Variants in PTPRQ observed in about 807,000 individuals in gnomAD.
The protein encoded by PTPRQ is protein tyrosine phosphatase receptor type Q.
A neutral mutation model predicts 246.0 loss-of-function variants in PTPRQ; 199 were observed. The observed-to-expected ratio is 0.81, with a 90% confidence interval of 0.72 to 0.91. PTPRQ has a LOEUF of 0.91. Ranked by LOEUF, PTPRQ falls within the 40% of genes least tolerant of loss-of-function variation. PTPRQ has a pLI of 0.00. For missense variants in PTPRQ, 2,624 were observed against 2,528.4 expected (o/e 1.04, Z -0.81); for synonymous variants, 869 against 853.2 (o/e 1.02, Z -0.32).
At chr12:80,607,782 TATC>T (rs1898382963) in intron 27 of PTPRQ, among the ~76,000 whole-genome samples, 1 of 150,820 alleles carries the variant, frequency 6.6e-6, no homozygotes, top group South Asian at 2.1e-4. Context: ...AAAATGTAAA[TATC>T]ATCCTAGATG....
At chr12:80,611,621 T>G (rs1180142134) in intron 28 of PTPRQ, among the ~76,000 whole-genome samples, 1 of 150,364 alleles carries the variant, frequency 6.7e-6, no homozygotes, top group Non-Finnish European at 1.5e-5. Flanking sequence ...AAAGCATTGT[T>G]TGTCAAATCT....
intron 39 of PTPRQ, among the ~76,000 whole-genome samples, chr12:80,661,896 A>G (rs1017284261): frequency 6.6e-6 from 1 of 151,884 alleles, no homozygotes; most frequent in African/African-American, 2.4e-5. Flanking sequence ...GAGGTGTGCA[A>G]GAAAATAATG....
chr12:80,603,743 C>T (rs1015390357), intron 26 of PTPRQ, among the ~76,000 whole-genome samples: 5 of 151,486 alleles, frequency 3.3e-5, no homozygotes, highest in Admixed American at 1.3e-4. Flanking sequence ...GCCCCTAACC[C>T]TGCTCTATCC....
chr12:80,653,643 G>A (rs2121235258), intron 38 of PTPRQ, among the ~76,000 whole-genome samples: 1 of 152,218 alleles, frequency 6.6e-6, no homozygotes, highest in African/African-American at 2.4e-5. Flanking sequence ...TATATTGGGG[G>A]AATAGCTACA....
At chr12:80,467,441 C>G (rs1193725457) in intron 6 of PTPRQ, among the ~76,000 whole-genome samples, 1 of 152,100 alleles carries the variant, frequency 6.6e-6, no homozygotes, top group East Asian at 1.9e-4. Context: ...TTGTGGAAGT[C>G]AGTGTGGCGA....
chr12:80,515,081 G>A (rs1035351409), intron 17 of PTPRQ, among the ~76,000 whole-genome samples: 1 of 151,962 alleles, frequency 6.6e-6, no homozygotes, highest in African/African-American at 2.4e-5. Context: ...AGCCCTGTAA[G>A]GTATAGTAAG....
chr12:80,492,531 A>G (rs1217471327), intron 9 of PTPRQ, among the ~76,000 whole-genome samples: 1 of 152,002 alleles, frequency 6.6e-6, no homozygotes, highest in African/African-American at 2.4e-5. Context: ...TCAATCAATT[A>G]TGCTAGTGGG....
intron 25 of PTPRQ, chr12:80,583,866 GC>G (rs1002385423): frequency 1.3e-5 from 2 of 152,114 alleles, no homozygotes; most frequent in African/African-American, 4.8e-5. Flanking sequence ...TTAGTTCCTT[GC>G]AGTCACAGGA....
At chr12:80,533,734 C>T (rs1426418684) in intron 17 of PTPRQ, among the ~76,000 whole-genome samples, 3 of 151,906 alleles carry the variant, frequency 2.0e-5, no homozygotes, top group Admixed American at 6.6e-5. Context: ...ACATAGTATT[C>T]CTTAATATCC....
At chr12:80,448,366 T>G (rs1166002492) in intron 3 of PTPRQ, among the ~76,000 whole-genome samples, 1 of 152,112 alleles carries the variant, frequency 6.6e-6, no homozygotes, top group Non-Finnish European at 1.5e-5. Context: ...TGTTTTCCAA[T>G]TTGGATGCCT....
At chr12:80,649,210 A>G (rs1900174852) in intron 36 of PTPRQ, among the ~76,000 whole-genome samples, 2 of 152,166 alleles carry the variant, frequency 1.3e-5, no homozygotes, top group South Asian at 2.1e-4. Context: ...GGTCACTGCA[A>G]TATTTTATAT....
chr12:80,565,807 C>T (rs1305414926), intron 25 of PTPRQ, among the ~76,000 whole-genome samples: 1 of 152,108 alleles, frequency 6.6e-6, no homozygotes, highest in Non-Finnish European at 1.5e-5. Context: ...GAAGACTGTA[C>T]AAAATACTAC....
chr12:80,505,361 T>G (rs1894923226), intron 14 of PTPRQ, among the ~76,000 whole-genome samples: 1 of 151,924 alleles, frequency 6.6e-6, no homozygotes, highest in African/African-American at 2.4e-5. Flanking sequence ...TATACAGAGT[T>G]TTAGTTATTT....
At chr12:80,502,874 G>C (rs1227779424) in intron 14 of PTPRQ, among the ~76,000 whole-genome samples, 1 of 151,840 alleles carries the variant, frequency 6.6e-6, no homozygotes, top group Non-Finnish European at 1.5e-5. Flanking sequence ...TAGAGATAAA[G>C]AAATACAGAG....
Position 80,669,384 on chromosome 12 carries a change from G to A in PTPRQ, c.6373G>A (p.Val2125Ile), listed in dbSNP as rs1215361194. The change falls in exon 41 of 45, where the codon GTC becomes ATC. Residue 2125 changes from valine to isoleucine, a missense_variant. By Grantham distance (29) the Val-to-Ile change is conservative. Transcript: ENST00000644991. Reference protein sequence around the residue: ...YWPEDNKPVTVFGDIVITKLM... With the variant: ...YWPEDNKPVTIFGDIVITKLM... ...GCCAGAGGACAACAAGCCAGTTACT[G>A]TCTTTGGAGATATAGTGATTACAAA... is the stretch of plus-strand genomic sequence containing the variant. 35 of 1,549,454 alleles carry A rather than the reference G, an allele frequency of 2.3e-5. No homozygotes were observed. In the East Asian group the frequency reaches 6.6e-4, roughly 29 times the overall value.
chr12:80,661,589 A>G (rs1338721308), intron 39 of PTPRQ, among the ~76,000 whole-genome samples: 1 of 151,720 alleles, frequency 6.6e-6, no homozygotes, highest in African/African-American at 2.4e-5. Flanking sequence ...ATATATCACC[A>G]TCAATGCCCA....
intron 29 of PTPRQ, among the ~76,000 whole-genome samples, chr12:80,614,767 C>G (rs1195960216): frequency 1.3e-5 from 2 of 149,014 alleles, no homozygotes; most frequent in South Asian, 4.2e-4. Context: ...AATCTGAGCC[C>G]AGTTTTCTTA....
Position 80,620,334 on chromosome 12 carries a change from A to T in PTPRQ, c.5570A>T (p.Asp1857Val), listed in dbSNP as rs1476869608. Residue 1857 changes from aspartate to valine, a missense_variant, in exon 32 of 45, where the codon GAC becomes GTC. Coordinates refer to ENST00000644991, the MANE Select transcript of PTPRQ (RefSeq NM_001145026.2). ...DNACMIPGNE[D>V]KICNGPLKPK... ...GCATGCATGATTCCTGGCAATGAAGACAAAATTTGCAATGGACCACTGAAA... is the reference window on the plus strand; with the variant it reads ...GCATGCATGATTCCTGGCAATGAAGTCAAAATTTGCAATGGACCACTGAAA... 1 of 1,549,296 alleles carries T rather than the reference A, an allele frequency of 6.5e-7. No homozygotes were observed. The highest frequency in any genetic ancestry group is 8.7e-7 in the Non-Finnish European group (1 of 1,145,490).
chr12:80,505,800 A>T (rs891838426), intron 14 of PTPRQ, among the ~76,000 whole-genome samples: 2 of 151,886 alleles, frequency 1.3e-5, no homozygotes, highest in Admixed American at 1.3e-4. Context: ...TATAACTGTT[A>T]TTCTGTGGAA....
Sources: gnomAD v4.1 joint callset for allele counts (sites outside exome capture counted in the v4.1 genomes callset) on GRCh38, gnomAD v4.1.1 for gene constraint, MANE v1.5 for transcripts, NCBI Gene and HGNC (gene_info 2026-07-23, HGNC 2026-07-21) for gene names.